The following SLC13A4 variants were observed in gnomAD, a reference collection of about 807,000 sequenced individuals.
SLC13A4 encodes Na(+)/sulfate cotransporter SUT-1.
A neutral mutation model predicts 72.7 loss-of-function variants in SLC13A4; 28 were observed. The ratio of observed to expected loss-of-function variants is 0.39; its 90% CI spans 0.29 to 0.53. The LOEUF is 0.53. Ranked by LOEUF, SLC13A4 falls within the 20% of genes least tolerant of loss-of-function variation. The pLI, the probability that SLC13A4 is intolerant of heterozygous loss-of-function variation, is 0.78. For missense variants in SLC13A4, 653 were observed against 788.0 expected (o/e 0.83, Z 2.05); for synonymous variants, 312 against 325.5 (o/e 0.96, Z 0.45).
At chr7:135,707,266 G>A (rs543344982) in intron 3 of SLC13A4, among the ~76,000 whole-genome samples, 3 of 152,274 alleles carry the variant, frequency 2.0e-5, no homozygotes, top group African/African-American at 4.8e-5. Context: ...ATGATGTGAC[G>A]AAATGCCACT....
intron 5 of SLC13A4, chr7:135,704,124 GA>G: frequency 6.6e-6 from 1 of 152,486 alleles, no homozygotes; most frequent in Non-Finnish European, 1.5e-5. Context: ...ACAGGGAGGA[GA>G]AAAGGCCACA....
chr7:135,690,180 C>CAAAAA (rs57390577), intron 13 of SLC13A4, among the ~76,000 whole-genome samples: 5 of 29,606 alleles, frequency 1.7e-4, no homozygotes, highest in Non-Finnish European at 2.2e-4. Context: ...GACTCTGTCT[C>CAAAAA]AAAAAAAAAA....
chr7:135,725,763 G>A (rs1487470178), intron 1 of SLC13A4, among the ~76,000 whole-genome samples: 1 of 152,126 alleles, frequency 6.6e-6, no homozygotes, highest in Non-Finnish European at 1.5e-5. Flanking sequence ...TTTGAGACCA[G>A]CCTGGGCAAC....
intron 13 of SLC13A4, among the ~76,000 whole-genome samples, chr7:135,690,516 C>A (rs1229411695): frequency 6.6e-6 from 1 of 152,122 alleles, no homozygotes; most frequent in East Asian, 1.9e-4. Flanking sequence ...ACAGAGATCG[C>A]CTATTACCAC....
Position 135,691,555 on chromosome 7 carries a change from C to A in SLC13A4, c.1314G>T (p.Lys438Asn). The change falls in exon 12 of 16, where the codon AAG becomes AAT. Residue 438 changes from lysine to asparagine, a missense_variant. Coordinates refer to ENST00000682651, the MANE Select transcript of SLC13A4 (RefSeq NM_001318192.2). ...IPAKKPCFGK[K>N]NDGENQEHSL... ...TTTCTTCCCTTCTCTCACCATCATT[C>A]TTTTTCCCAAAGCAGGGCTTCTTCG... 6.2e-7 allele frequency: 1 copy of A among 1,612,024 alleles called. No individual in the cohort carries two copies. The highest frequency in any genetic ancestry group is 8.5e-7 in the Non-Finnish European group (1 of 1,178,166).
intron 5 of SLC13A4, chr7:135,704,198 A>G (rs944753531): frequency 6.6e-5 from 10 of 152,422 alleles, no homozygotes; most frequent in African/African-American, 1.9e-4. Flanking sequence ...GGCAGCCCCA[A>G]TACAGGGGTT....
At chr7:135,685,242 G>A (rs1306962366) in intron 14 of SLC13A4, among the ~76,000 whole-genome samples, 1 of 152,198 alleles carries the variant, frequency 6.6e-6, no homozygotes, top group East Asian at 1.9e-4. Context: ...TATTTTGTAT[G>A]TTCTTTGGTT....
chr7:135,700,858 C>T (rs1796018563), intron 7 of SLC13A4, among the ~76,000 whole-genome samples: 1 of 152,186 alleles, frequency 6.6e-6, no homozygotes, highest in Admixed American at 6.5e-5. Flanking sequence ...CTGTGTTTCC[C>T]AGGCTGGTCT....
chr7:135,708,408 A>G (rs1375456032), intron 2 of SLC13A4, among the ~76,000 whole-genome samples, 158 bp from the exon 3 acceptor site: 1 of 152,230 alleles, frequency 6.6e-6, no homozygotes, highest in Admixed American at 6.5e-5. Context: ...ATAGCCGCCC[A>G]TCCTAGAGTC....
chr7:135,713,497 G>A (rs1329209348), intron 2 of SLC13A4, among the ~76,000 whole-genome samples: 1 of 152,140 alleles, frequency 6.6e-6, no homozygotes, highest in Non-Finnish European at 1.5e-5. Flanking sequence ...ATGCTACATA[G>A]CTAATTTAAT....
intron 2 of SLC13A4, among the ~76,000 whole-genome samples, chr7:135,718,907 C>A (rs1405516325): frequency 6.6e-6 from 1 of 152,202 alleles, no homozygotes; most frequent in Non-Finnish European, 1.5e-5. Flanking sequence ...TTACAAAGGG[C>A]TATAACCCAT....
chr7:135,721,484 A>G lies in SLC13A4; in HGVS notation c.139T>C (p.Tyr47His). ...AGAGGCACTGCCTCCGACACCCAGTACACAGCAGTCACGATCAGCACGTAA... is the reference window on the plus strand; with the variant it reads ...AGAGGCACTGCCTCCGACACCCAGTGCACAGCAGTCACGATCAGCACGTAA... ...CAYVLIVTAV[Y>H]WVSEAVPLGA... Residue 47 changes from tyrosine to histidine, a missense_variant, in exon 2 of 16, where the codon TAC becomes CAC. By Grantham distance (83) the Tyr-to-His change is moderately conservative. Transcript: ENST00000682651. The G allele has an allele frequency of 6.2e-7, 1 of 1,614,154 alleles. No individual in the cohort carries two copies. The highest frequency in any genetic ancestry group is 8.5e-7 in the Non-Finnish European group (1 of 1,179,996).
Position 135,681,450 on chromosome 7 carries a change from C to T in SLC13A4, c.*113G>A, listed in dbSNP as rs1795498189. The T allele has an allele frequency of 1.7e-5, 23 of 1,341,640 alleles. No homozygotes were observed. The highest frequency in any genetic ancestry group is 7.1e-5 in the East Asian group (3 of 42,440). 83.1% of individuals were successfully genotyped at this position (1,341,640 alleles called of 1,614,324 possible). A position where few individuals can be genotyped will look rare whatever the true frequency, so the allele number is the denominator to read the frequency against. ...CTTCTGGTGGAGGGATGCCCTCCGG[C>T]GTGGGTCTGGGGTTGTGTGCTCCTG... is the stretch of plus-strand genomic sequence containing the variant. On this transcript the variant is annotated 3_prime_UTR_variant, in exon 16 of 16. Coordinates refer to ENST00000682651, the MANE Select transcript of SLC13A4 (RefSeq NM_001318192.2).
At chr7:135,721,109 C>T (rs1354962994) in intron 2 of SLC13A4, among the ~76,000 whole-genome samples, 1 of 152,196 alleles carries the variant, frequency 6.6e-6, no homozygotes, top group Non-Finnish European at 1.5e-5. Context: ...CACACAGCTC[C>T]TAAAAGGCTT....
rs1584738840 is a variant in SLC13A4 at position 135,716,139 on chromosome 7, C to CTT, written c.228+5255_228+5256insAA. On this transcript the variant is annotated intron_variant, in intron 2 of 15. Transcript: ENST00000682651. ...ACGCTTTGGGCCTGGAGTGTGGAGC[C>CTT]ATGGAAGCCTGGACTTATGGAAGCC... Among the ~76,000 whole-genome samples the CTT allele has an allele frequency of 2.0e-5, 3 of 151,946 alleles. No individual in the cohort carries two copies. In the East Asian group the frequency reaches 5.8e-4, roughly 29 times the overall value.
chr7:135,711,414 T>C (rs888048588), intron 2 of SLC13A4, among the ~76,000 whole-genome samples: 3 of 152,192 alleles, frequency 2.0e-5, no homozygotes, highest in East Asian at 3.9e-4. Flanking sequence ...TGGGTTCCAC[T>C]TGGAGGCAGA....
At chr7:135,705,805 G>A (rs1376405229) in intron 4 of SLC13A4, 155 bp from the exon 5 acceptor site, 5 of 678,536 alleles carry the variant, frequency 7.4e-6, no homozygotes, top group Non-Finnish European at 1.3e-5. Context: ...TGGGGCTCAT[G>A]GATGCAGACT....
intron 6 of SLC13A4, 89 bp from the exon 7 acceptor site, chr7:135,701,849 C>A: frequency 7.8e-7 from 1 of 1,276,346 alleles, no homozygotes; most frequent in African/African-American, 1.5e-5. Context: ...CCCAGGGCCA[C>A]CCCATGCCTC....
rs774527135 is a variant in SLC13A4, at chr7:135,681,638, G to C, written c.1809C>G (p.Thr603=). The change falls in exon 16 of 16, where the codon ACC becomes ACG. Residue 603 remains threonine, a synonymous_variant. Transcript: ENST00000682651. ...CCAGGTGGAAGAGGCTAACTCCCCAGGTGTTGATGGCCACCATTACTATCA... is the reference window on the plus strand; with the variant it reads ...CCAGGTGGAAGAGGCTAACTCCCCACGTGTTGATGGCCACCATTACTATCA... ...GLVIVMVAIN[T]WGVSLFHLDT... The C allele has an allele frequency of 1.2e-5, 20 of 1,614,166 alleles. No individual in the cohort carries two copies. Among genetic ancestry groups the C allele is most frequent in the Non-Finnish European group, 1.5e-5 (18 of 1,179,998 alleles).
Sources: gnomAD v4.1 joint callset for allele counts (sites outside exome capture counted in the v4.1 genomes callset) on GRCh38, gnomAD v4.1.1 for gene constraint, MANE v1.5 for transcripts, NCBI Gene and HGNC (gene_info 2026-07-23, HGNC 2026-07-21) for gene names.